FREM1: variants seen among roughly 807,000 people sequenced by gnomAD.
FREM1 encodes FRAS1 related extracellular matrix 1.
A neutral mutation model predicts 210.1 loss-of-function variants in FREM1; 220 were observed. The observed-to-expected ratio is 1.05, with a 90% CI of 0.94 to 1.17. FREM1 has a LOEUF of 1.17. Among genes scored for constraint, FREM1 ranks in the 50% most tolerant of loss-of-function variants. FREM1 has a pLI of 0.00. For missense variants in FREM1, 3,454 were observed against 2,675.5 expected (o/e 1.29, Z -6.42); for synonymous variants, 1,189 against 980.2 (o/e 1.21, Z -3.98).
intron 21 of FREM1, among the ~76,000 whole-genome samples, chr9:14,793,412 G>T (rs765514755): frequency 1.3e-5 from 2 of 152,178 alleles, no homozygotes; most frequent in Non-Finnish European, 2.9e-5. Flanking sequence ...GTTCTGGGTA[G>T]TATGTGTTCT....
chr9:14,823,722 G>A (rs1821805264), intron 12 of FREM1, among the ~76,000 whole-genome samples: 1 of 152,144 alleles, frequency 6.6e-6, no homozygotes, highest in Non-Finnish European at 1.5e-5. Flanking sequence ...TGAATAAACT[G>A]AATTTTGTGG....
rs1385235186 is a variant in FREM1, at chr9:14,860,672, CACACATATAT to C, written c.330-1198_330-1189del. Among the ~76,000 whole-genome samples the C allele has an allele frequency of 3.9e-3, 460 of 118,214 alleles. 11 individuals carry two copies. The highest frequency in any genetic ancestry group is 0.015 in the African/African-American group (375 of 25,816). The allele number at this position is 118,214 out of a possible 152,430, so 77.6% of individuals were successfully genotyped here. On this transcript the variant is annotated intron_variant, in intron 3 of 36. Transcript: ENST00000380880. ...ATATATACACATATATACATATATA[CACACATATAT>C]ACACATATATACACACATATATACA...
In FREM1 at chr9:14,860,854, TATATATACAC is replaced by T. The variant is rs1291978223; in HGVS notation, c.330-1380_330-1371del. 1.1e-4 allele frequency among the ~76,000 whole-genome samples: 8 copies of T among 71,208 alleles called. 3 individuals are homozygous for T. The highest frequency in any genetic ancestry group is 8.0e-4 in the East Asian group (1 of 1,250). 46.7% of individuals were successfully genotyped at this position (71,208 alleles called of 152,430 possible). A position where few individuals can be genotyped will look rare whatever the true frequency, so the allele number is the denominator to read the frequency against. ...ATATACGTATATATACATATATACG[TATATATACAC>T]ATATATATACGTATATATACACATA... On this transcript the variant is annotated intron_variant, in intron 3 of 36. Transcript: ENST00000380880.
At chr9:14,797,443 T>C (rs1008170977) in intron 21 of FREM1, 55 bp downstream of exon 21, 67 of 1,466,030 alleles carry the variant, frequency 4.6e-5, no homozygotes, top group Non-Finnish European at 5.7e-5. Context: ...CCTAGTATTG[T>C]AGATTTCATA....
chr9:14,756,533 C>T, intron 28 of FREM1, 87 bp from the exon 29 acceptor site: 1 of 900,392 alleles, frequency 1.1e-6, no homozygotes, highest in Non-Finnish European at 1.7e-6. Flanking sequence ...CTGGACTAAA[C>T]TCATGCTCTT....
chr9:14,804,931 T>C, intron 19 of FREM1, 25 bp downstream of exon 19: 1 of 1,539,678 alleles, frequency 6.5e-7, no homozygotes, highest in East Asian at 2.3e-5. Flanking sequence ...AAAAGAGAAA[T>C]GGAACATTTG....
intron 18 of FREM1, 110 bp downstream of exon 18, chr9:14,806,551 G>T (rs944023351): frequency 7.1e-6 from 5 of 706,782 alleles, no homozygotes; most frequent in Non-Finnish European, 1.2e-5. Context: ...ACCACGCCCG[G>T]TGCTTTAAAC....
At chr9:14,753,007 C>G (rs1843661312) in intron 29 of FREM1, among the ~76,000 whole-genome samples, 1 of 152,114 alleles carries the variant, frequency 6.6e-6, no homozygotes. Flanking sequence ...GTTTCTATGC[C>G]TTCCAGGTGT....
chr9:14,868,680 C>G (rs1242603167), intron 2 of FREM1, 64 bp downstream of exon 2: 2 of 1,016,396 alleles, frequency 2.0e-6, no homozygotes, highest in East Asian at 2.6e-5. Context: ...TCTGTCCCCC[C>G]ACACATTTTC....
chr9:14,806,116 T>C (rs1274428477), intron 18 of FREM1, among the ~76,000 whole-genome samples: 1 of 152,230 alleles, frequency 6.6e-6, no homozygotes, highest in African/African-American at 2.4e-5. Context: ...TTTCCATAAG[T>C]AAAATTCCAT....
intron 10 of FREM1, among the ~76,000 whole-genome samples, chr9:14,839,934 T>A (rs1825348119): frequency 6.6e-6 from 1 of 152,186 alleles, no homozygotes; most frequent in African/African-American, 2.4e-5. Context: ...AAATGACATA[T>A]AATACATTGA....
chr9:14,846,688 AT>A (rs1437027661), intron 7 of FREM1, among the ~76,000 whole-genome samples: 1 of 152,146 alleles, frequency 6.6e-6, no homozygotes, highest in Non-Finnish European at 1.5e-5. Context: ...TACTATTTTT[AT>A]TTTTAGTACT....
Position 14,859,185 on chromosome 9 carries a change from G to T in FREM1, c.629C>A (p.Ser210Tyr), listed in dbSNP as rs754627212. The T allele has an allele frequency of 6.4e-7, 1 of 1,573,112 alleles. No homozygotes were observed. Among genetic ancestry groups the T allele is most frequent in the Non-Finnish European group, 8.6e-7 (1 of 1,160,742 alleles). Residue 210 changes from serine (S) to tyrosine (Y), a missense_variant and splice_region_variant, in exon 4 of 37, where the codon TCC becomes TAC. Physicochemically the swap from Ser to Tyr is moderately radical, Grantham distance 144 (BLOSUM62 -2). Coordinates refer to ENST00000380880, the MANE Select transcript of FREM1 (RefSeq NM_001379081.2). The part of the protein sequence containing the change: ...GDQPHSFFPE[S>Y]QLRAKLKCPG... ...AAAGGCATTAAAAGACATCATACGG[G>T]ACTCTGGGAAAAAACTGTGTGGCTG...
chr9:14,878,711 C>T (rs1233968277), intron 1 of FREM1, among the ~76,000 whole-genome samples: 1 of 152,158 alleles, frequency 6.6e-6, no homozygotes, highest in African/African-American at 2.4e-5. Context: ...ATTTTTTACT[C>T]ATGGATTTAA....
intron 8 of FREM1, among the ~76,000 whole-genome samples, chr9:14,845,404 A>G (rs1220454961): frequency 6.6e-6 from 1 of 152,014 alleles, no homozygotes; most frequent in East Asian, 1.9e-4. Flanking sequence ...GCCCAGGTTC[A>G]AGCAATTCTC....
chr9:14,833,259 T>C (rs548731826), intron 10 of FREM1, among the ~76,000 whole-genome samples: 250 of 152,316 alleles, frequency 1.6e-3, no homozygotes, highest in Non-Finnish European at 3.0e-3. Context: ...TCCAGCTGCA[T>C]GGCTCCTGGG....
In FREM1 at chr9:14,851,416, C is replaced by A. The variant is rs566290964; in HGVS notation, c.1020G>T (p.Pro340=). The A allele has an allele frequency of 6.2e-7, 1 of 1,613,730 alleles. No individual in the cohort carries two copies. Among genetic ancestry groups the A allele is most frequent in the South Asian group, 1.1e-5 (1 of 91,068 alleles). ...PLLVFNITKA[P]LQGYVTHLLD... ...ACAGGTGAGTCACATAGCCCTGGAG[C>A]GGGGCTTTAGTAATGTTGAACACCA... The change falls in exon 6 of 37, where the codon CCG becomes CCT. Residue 340 remains proline (P), a synonymous_variant. Coordinates refer to ENST00000380880, the MANE Select transcript of FREM1 (RefSeq NM_001379081.2).
intron 10 of FREM1, among the ~76,000 whole-genome samples, chr9:14,829,217 C>T (rs1246507092): frequency 2.0e-5 from 3 of 152,158 alleles, no homozygotes; most frequent in Non-Finnish European, 2.9e-5. Flanking sequence ...AGGTTGGTAT[C>T]ATGCTAGAGG....
Position 14,896,335 on chromosome 9 carries a change from G to C in FREM1, c.-268+13579C>G, listed in dbSNP as rs1407259432. ...CCGAGGTGGGCAGATCACGAGGTCA[G>C]GAGTTCGAGACCAGCCTGACCACCA... is the stretch of plus-strand genomic sequence containing the variant. On this transcript the variant is annotated intron_variant, in intron 1 of 36. Coordinates refer to ENST00000380880, the MANE Select transcript of FREM1 (RefSeq NM_001379081.2). Among the ~76,000 whole-genome samples, 3 of 152,216 alleles carry C rather than the reference G, an allele frequency of 2.0e-5. No homozygotes were observed. The East Asian group carries it at 5.8e-4, about 29-fold the overall frequency.
Sources: gnomAD v4.1 joint callset for allele counts (sites outside exome capture counted in the v4.1 genomes callset) on GRCh38, gnomAD v4.1.1 for gene constraint, MANE v1.5 for transcripts, NCBI Gene and HGNC (gene_info 2026-07-23, HGNC 2026-07-21) for gene names.